The following CFAP61 variants were observed in gnomAD, a reference collection of about 807,000 sequenced individuals.
The protein encoded by CFAP61 is cilia- and flagella-associated protein 61.
CFAP61 carries 107 observed loss-of-function variants against 135.6 expected under a neutral mutation model. The observed-to-expected ratio is 0.79, with a 90% CI of 0.67 to 0.93. The LOEUF (loss-of-function observed/expected upper bound fraction) is 0.93, where lower values mean the gene tolerates loss of function less well. Ranked by LOEUF, CFAP61 falls within the 40% of genes least tolerant of loss-of-function variation. CFAP61 has a pLI of 0.00. For synonymous variants in CFAP61, 575 were observed against 578.5 expected, an observed-to-expected ratio of 0.99 and a Z score of 0.09; for missense variants, 1,507 against 1,556.2, an observed-to-expected ratio of 0.97 and a Z score of 0.53.
chr20:20,269,643 A>G (rs1054809810), intron 21 of CFAP61, among the ~76,000 whole-genome samples: 2 of 152,176 alleles, frequency 1.3e-5, no homozygotes, highest in South Asian at 4.1e-4. Flanking sequence ...AAGTGCTGGG[A>G]TTACAGGCAT....
intron 22 of CFAP61, among the ~76,000 whole-genome samples, chr20:20,281,112 A>C (rs2054171290): frequency 6.6e-6 from 1 of 152,170 alleles, no homozygotes; most frequent in Non-Finnish European, 1.5e-5. Flanking sequence ...TTTCTGTATA[A>C]ACATTGTAAC....
At position 20,246,223 on chromosome 20, in the gene CFAP61, T is replaced by C; in HGVS notation, c.2159+8T>C. Reference sequence around the variant, plus strand: ...GAAATTTTTAGCCAGCGAGTATGAATTGTATTTGCTTTTTCATTCTGAGGC... The same window carrying C: ...GAAATTTTTAGCCAGCGAGTATGAACTGTATTTGCTTTTTCATTCTGAGGC... On this transcript the variant is annotated splice_region_variant and intron_variant, in intron 19 of 26. Transcript: ENST00000245957. 1 of 1,574,310 alleles carries C rather than the reference T, an allele frequency of 6.4e-7. No individual in the cohort carries two copies. Among genetic ancestry groups the C allele is most frequent in the Non-Finnish European group, 8.7e-7 (1 of 1,143,988 alleles).
intron 7 of CFAP61, chr20:20,094,381 T>C (rs895719330): frequency 3.4e-4 from 51 of 152,182 alleles, no homozygotes; most frequent in African/African-American, 1.2e-3. Context: ...AGTGAAATGA[T>C]TCATACAGAC....
At chr20:20,212,648 G>A (rs1282122846) in intron 17 of CFAP61, among the ~76,000 whole-genome samples, 2 of 152,136 alleles carry the variant, frequency 1.3e-5, no homozygotes, top group South Asian at 4.2e-4. Flanking sequence ...TCAACTGAGA[G>A]AGGAACCCCT....
intron 13 of CFAP61, among the ~76,000 whole-genome samples, chr20:20,176,591 C>T (rs904198603): frequency 6.6e-6 from 1 of 152,168 alleles, no homozygotes; most frequent in Non-Finnish European, 1.5e-5. Flanking sequence ...TTATCCTCAG[C>T]AAACTAACAC....
chr20:20,166,895 G>C (rs900914932), intron 12 of CFAP61, among the ~76,000 whole-genome samples: 10 of 152,130 alleles, frequency 6.6e-5, no homozygotes, highest in Non-Finnish European at 4.4e-5. Context: ...GGTAGAGGGG[G>C]CTCAACCCAC....
intron 24 of CFAP61, among the ~76,000 whole-genome samples, chr20:20,290,656 G>A (rs1344804176): frequency 4.6e-5 from 7 of 152,202 alleles, no homozygotes; most frequent in Admixed American, 2.6e-4. Context: ...CCAAGGTCAG[G>A]TCAGGTCAAG....
intron 10 of CFAP61, among the ~76,000 whole-genome samples, chr20:20,162,004 A>G (rs181455144): frequency 6.6e-5 from 10 of 152,292 alleles, no homozygotes; most frequent in Admixed American, 6.5e-4. Context: ...GCATTCCAAA[A>G]TGGGTTTGAG....
intron 2 of CFAP61, among the ~76,000 whole-genome samples, chr20:20,063,669 A>G (rs919947530): frequency 3.3e-5 from 5 of 152,196 alleles, no homozygotes; most frequent in Admixed American, 6.5e-5. Context: ...GTAAATGAGG[A>G]TGCCTGTTGT....
intron 6 of CFAP61, among the ~76,000 whole-genome samples, chr20:20,090,615 G>A (rs887803984): frequency 4.7e-5 from 7 of 148,408 alleles, no homozygotes; most frequent in South Asian, 2.1e-4. Context: ...GCTTGAACCC[G>A]GGAAGCAGAG....
chr20:20,066,571 A>C (rs2045285107), intron 2 of CFAP61, among the ~76,000 whole-genome samples: 1 of 152,090 alleles, frequency 6.6e-6, no homozygotes, highest in Non-Finnish European at 1.5e-5. Flanking sequence ...GCAAACTATC[A>C]CAAGAACAGA....
chr20:20,075,703 CTATAG>C, intron 6 of CFAP61, 88 bp downstream of exon 6: 1 of 1,470,550 alleles, frequency 6.8e-7, no homozygotes, highest in South Asian at 1.3e-5. Flanking sequence ...TGCTAAGTGA[CTATAG>C]CTTAGATCAA....
At chr20:20,360,131 T>C (rs967704113) in intron 26 of CFAP61, 79 bp from the exon 27 acceptor site, 16 of 1,099,088 alleles carry the variant, frequency 1.5e-5, no homozygotes, top group Non-Finnish European at 2.1e-5. Flanking sequence ...TACTGTTGTT[T>C]TCATTCTCAT....
intron 8 of CFAP61, among the ~76,000 whole-genome samples, chr20:20,141,234 T>C (rs2146747918): frequency 6.6e-6 from 1 of 152,282 alleles, no homozygotes; most frequent in Admixed American, 6.5e-5. Context: ...TTTATATATT[T>C]TTATAGGCGT....
At chr20:20,154,633 A>G (rs2052733102) in intron 9 of CFAP61, among the ~76,000 whole-genome samples, 1 of 151,992 alleles carries the variant, frequency 6.6e-6, no homozygotes, top group Middle Eastern at 3.2e-3. Context: ...CAGCAACAAC[A>G]ACAACACACA....
intron 26 of CFAP61, among the ~76,000 whole-genome samples, chr20:20,355,444 CTG>C (rs1254556466): frequency 4.1e-5 from 1 of 24,222 alleles, no homozygotes; most frequent in Admixed American, 4.2e-4. Flanking sequence ...GGTGGTCACA[CTG>C]TGAGGGGAGG....
intron 26 of CFAP61, among the ~76,000 whole-genome samples, chr20:20,346,113 G>T (rs1202186865): frequency 7.5e-6 from 1 of 133,578 alleles, no homozygotes; most frequent in Non-Finnish European, 1.6e-5. Context: ...TTGTTAGCCA[G>T]GATGGTCTCG....
intron 26 of CFAP61, among the ~76,000 whole-genome samples, chr20:20,355,935 G>A (rs1602172655): frequency 7.4e-6 from 1 of 135,988 alleles, no homozygotes. Context: ...TAGTGACACT[G>A]TGAGCAGAGA....
In CFAP61 at chr20:20,202,296, C is replaced by T. The variant is rs79925132; in HGVS notation, c.1932+2394C>T. On this transcript the variant is annotated intron_variant, in intron 17 of 26. Transcript: ENST00000245957. The stretch of plus-strand genomic sequence containing the variant: ...ACACAGATGCCTGCTACCTGCTGCT[C>T]GTGCTATTGTGCTTATTTCACAGGT... 8.7e-3 allele frequency among the ~76,000 whole-genome samples: 1,331 copies of T among 152,250 alleles called. 20 individuals are homozygous for T. The highest frequency in any genetic ancestry group is 0.03 in the African/African-American group (1,263 of 41,526).
Sources: gnomAD v4.1 joint callset for allele counts (sites outside exome capture counted in the v4.1 genomes callset) on GRCh38, gnomAD v4.1.1 for gene constraint, MANE v1.5 for transcripts, NCBI Gene and HGNC (gene_info 2026-07-23, HGNC 2026-07-21) for gene names.